CADM2: variants seen among roughly 807,000 people sequenced by gnomAD.
CADM2 encodes the protein cell adhesion molecule 2.
A neutral mutation model predicts 49.8 loss-of-function variants in CADM2; 12 were observed. That is an observed-to-expected ratio of 0.24 (90% CI 0.15 to 0.39). The LOEUF (loss-of-function observed/expected upper bound fraction) is 0.39, where lower values mean the gene tolerates loss of function less well. Ranked by LOEUF, CADM2 falls within the 10% of genes least tolerant of loss-of-function variation. The pLI, the probability that CADM2 is intolerant of heterozygous loss-of-function variation, is 1.00. For synonymous variants in CADM2, 214 were observed against 175.4 expected (o/e 1.22, Z -1.74); for missense variants, 378 against 492.3 (o/e 0.77, Z 2.20).
chr3:85,882,409 C>G (rs768360016), intron 3 of CADM2, among the ~76,000 whole-genome samples: 4 of 152,040 alleles, frequency 2.6e-5, no homozygotes, highest in Non-Finnish European at 5.9e-5. Flanking sequence ...CCTTCTGTTT[C>G]TAGTTTGTGG....
chr3:85,032,815 TAAATATAC>T (rs1397381073), intron 1 of CADM2, among the ~76,000 whole-genome samples: 1 of 152,188 alleles, frequency 6.6e-6, no homozygotes, highest in East Asian at 1.9e-4. Context: ...TAAAATGAAC[TAAATATAC>T]ATGCTTTGAC....
intron 1 of CADM2, among the ~76,000 whole-genome samples, chr3:85,064,433 G>A (rs910541553): frequency 2.6e-5 from 4 of 151,970 alleles, no homozygotes; most frequent in Non-Finnish European, 4.4e-5. Context: ...TTTCTTGATA[G>A]AATTATTTGA....
At chr3:85,215,525 A>C (rs2041903762) in intron 1 of CADM2, among the ~76,000 whole-genome samples, 1 of 151,758 alleles carries the variant, frequency 6.6e-6, no homozygotes, top group African/African-American at 2.4e-5. Context: ...CAAAGCTGTG[A>C]TCTGTGTTTT....
intron 4 of CADM2, among the ~76,000 whole-genome samples, chr3:85,885,932 T>C (rs1713584773): frequency 6.6e-6 from 1 of 151,768 alleles, no homozygotes; most frequent in African/African-American, 2.4e-5. Context: ...TTTTTGATAC[T>C]ATATATATTT....
At chr3:85,344,761 C>T (rs67379620) in intron 1 of CADM2, among the ~76,000 whole-genome samples, 17,891 of 151,936 alleles carry the variant, frequency 0.12, 1,323 homozygotes, top group East Asian at 0.28. Context: ...TGCATTTGTA[C>T]ATTTGAATCT....
intron 5 of CADM2, among the ~76,000 whole-genome samples, chr3:85,903,355 T>C (rs1716374144): frequency 6.6e-6 from 1 of 152,112 alleles, no homozygotes. Context: ...AGCCCAACTT[T>C]CCTTAACATT....
chr3:85,844,836 T>C (rs2074802519), intron 3 of CADM2, among the ~76,000 whole-genome samples: 1 of 152,046 alleles, frequency 6.6e-6, no homozygotes, highest in African/African-American at 2.4e-5. Flanking sequence ...ACTTTTCTTC[T>C]TCAGTCTAAT....
chr3:85,374,923 A>T (rs1292034320), intron 1 of CADM2, among the ~76,000 whole-genome samples: 1 of 152,098 alleles, frequency 6.6e-6, no homozygotes, highest in African/African-American at 2.4e-5. Flanking sequence ...GCGAAACCAT[A>T]TCAGTGCTAA....
intron 1 of CADM2, among the ~76,000 whole-genome samples, chr3:85,200,474 T>C (rs1371150623): frequency 6.6e-6 from 1 of 152,094 alleles, no homozygotes; most frequent in Non-Finnish European, 1.5e-5. Context: ...AGGGACACGA[T>C]GTACCCTTCA....
chr3:85,531,382 TATGA>T, intron 1 of CADM2, among the ~76,000 whole-genome samples: 1 of 152,204 alleles, frequency 6.6e-6, no homozygotes, highest in Non-Finnish European at 1.5e-5. Context: ...TTTTTGACAG[TATGA>T]ACTGTGATAA....
intron 1 of CADM2, among the ~76,000 whole-genome samples, chr3:85,040,867 A>G (rs891117295): frequency 2.0e-5 from 3 of 152,228 alleles, no homozygotes; most frequent in African/African-American, 7.2e-5. Context: ...TTATTACATG[A>G]GCATTTTATT....
At chr3:85,359,810 G>C (rs1021927023) in intron 1 of CADM2, among the ~76,000 whole-genome samples, 1 of 149,160 alleles carries the variant, frequency 6.7e-6, no homozygotes, top group Non-Finnish European at 1.5e-5. Context: ...TATTTTAAAT[G>C]CTGCAAAAAA....
At chr3:85,764,453 G>A (rs970036959) in intron 2 of CADM2, among the ~76,000 whole-genome samples, 2 of 151,910 alleles carry the variant, frequency 1.3e-5, no homozygotes, top group Non-Finnish European at 2.9e-5. Context: ...TAAAGAATCT[G>A]GTAAAAAGCT....
chr3:85,535,059 A>G (rs1435197754), intron 1 of CADM2, among the ~76,000 whole-genome samples: 1 of 143,724 alleles, frequency 7.0e-6, no homozygotes, highest in African/African-American at 2.4e-5. Context: ...TGACAAATGC[A>G]GTTCACGATG....
rs1180869173 is a variant in CADM2 at position 85,658,586 on chromosome 3, A to G, written c.62-67936A>G. Among the ~76,000 whole-genome samples, 510 of 99,558 alleles carry G rather than the reference A, an allele frequency of 5.1e-3. 10 individuals are homozygous for G. Among genetic ancestry groups the G allele is most frequent in the African/African-American group, 0.019 (481 of 25,526 alleles). 65.3% of individuals were successfully genotyped at this position (99,558 alleles called of 152,430 possible). ...ATATTGGATATATGTGTATATATAT[A>G]TATATATATATATATATATATATAT... On this transcript the variant is annotated intron_variant, in intron 1 of 9. Coordinates refer to ENST00000383699, the MANE Select transcript of CADM2 (RefSeq NM_001167675.2).
At chr3:86,018,881 A>G (rs1378135993) in intron 8 of CADM2, among the ~76,000 whole-genome samples, 7 of 150,426 alleles carry the variant, frequency 4.7e-5, no homozygotes, top group African/African-American at 1.7e-4. Context: ...CTTTAGTTTA[A>G]TTAGATCACA....
intron 3 of CADM2, among the ~76,000 whole-genome samples, chr3:85,807,007 G>A (rs898224898): frequency 2.6e-5 from 4 of 152,188 alleles, no homozygotes; most frequent in African/African-American, 9.7e-5. Flanking sequence ...CAGACATTCA[G>A]CTAATGTCTG....
At chr3:85,800,081 G>T (rs2071904949) in intron 2 of CADM2, 1 of 152,270 alleles carries the variant, frequency 6.6e-6, no homozygotes, top group Non-Finnish European at 1.5e-5. Flanking sequence ...GGGATGCCCT[G>T]CTCAGAGAGG....
chr3:85,444,805 T>C (rs2037370307), intron 1 of CADM2, among the ~76,000 whole-genome samples: 1 of 152,174 alleles, frequency 6.6e-6, no homozygotes, highest in Non-Finnish European at 1.5e-5. Flanking sequence ...AAACAATTCC[T>C]TGAACACTTT....
Sources: allele counts gnomAD v4.1 joint callset (sites outside exome capture counted in the v4.1 genomes callset), GRCh38; gene constraint gnomAD v4.1.1; transcripts MANE v1.5; gene names NCBI Gene and HGNC (gene_info 2026-07-23, HGNC 2026-07-21).